Variants in HCN1 observed in about 807,000 individuals in gnomAD.
HCN1 encodes the protein potassium/sodium hyperpolarization-activated cyclic nucleotide-gated channel 1.
Under a neutral mutation model 78.9 loss-of-function variants are expected in HCN1, and 13 were observed. That is an observed-to-expected ratio of 0.16 (90% confidence interval 0.11 to 0.26). The LOEUF is 0.26. Among genes scored for constraint, HCN1 ranks in the 10% least tolerant of loss-of-function variants. HCN1 has a pLI of 1.00. For missense variants in HCN1, 810 were observed against 1,154.3 expected (o/e 0.70, Z 4.32); for synonymous variants, 552 against 455.5 (o/e 1.21, Z -2.70).
At chr5:45,319,696 GTT>G (rs535543948) in intron 5 of HCN1, among the ~76,000 whole-genome samples, 1 of 144,198 alleles carries the variant, frequency 6.9e-6, no homozygotes, top group South Asian at 2.2e-4. Context: ...TTGTTTCCTG[GTT>G]TTTTTTTTAG....
intron 2 of HCN1, among the ~76,000 whole-genome samples, chr5:45,530,137 A>G (rs944826801): frequency 1.3e-5 from 2 of 152,164 alleles, no homozygotes; most frequent in African/African-American, 4.8e-5. Context: ...GACTCCAGTG[A>G]TTACGGAATC....
chr5:45,443,337 A>C (rs998696052), intron 3 of HCN1, among the ~76,000 whole-genome samples: 1 of 152,038 alleles, frequency 6.6e-6, no homozygotes, highest in Non-Finnish European at 1.5e-5. Flanking sequence ...TGTACATCAA[A>C]TTTTAGGAAA....
At chr5:45,354,737 T>G (rs2111984931) in intron 4 of HCN1, among the ~76,000 whole-genome samples, 1 of 152,136 alleles carries the variant, frequency 6.6e-6, no homozygotes, top group East Asian at 1.9e-4. Context: ...ATCAAACTAT[T>G]TAAAGCCTGA....
intron 6 of HCN1, among the ~76,000 whole-genome samples, chr5:45,270,756 G>A (rs1178362056): frequency 6.6e-6 from 1 of 152,012 alleles, no homozygotes; most frequent in African/African-American, 2.4e-5. Context: ...AAGAGCATGT[G>A]TTTATATATT....
In HCN1 at chr5:45,434,381, A is replaced by T. The variant is rs73101221; in HGVS notation, c.1011+27465T>A. Among the ~76,000 whole-genome samples, 1,306 of 152,330 alleles carry T rather than the reference A, an allele frequency of 8.6e-3. 25 individuals are homozygous for T. Among genetic ancestry groups the T allele is most frequent in the African/African-American group, 0.031 (1,279 of 41,580 alleles). ...AGGTTTACACAGCTCTGAAATGGAC[A>T]TCCGCAGGCAGCCTTCTGAAGTGAA... is the stretch of plus-strand genomic sequence containing the variant. On this transcript the variant is annotated intron_variant, in intron 3 of 7. Transcript: ENST00000303230.
At chr5:45,445,592 G>T (rs930710840) in intron 3 of HCN1, among the ~76,000 whole-genome samples, 1 of 152,154 alleles carries the variant, frequency 6.6e-6, no homozygotes, top group African/African-American at 2.4e-5. Flanking sequence ...CCTCAAGTGG[G>T]TCCCTGACCC....
chr5:45,549,164 A>G (rs1438135765), intron 2 of HCN1, among the ~76,000 whole-genome samples: 3 of 152,146 alleles, frequency 2.0e-5, no homozygotes, highest in Non-Finnish European at 4.4e-5. Context: ...TTCATATGGA[A>G]CCAAAAAAGA....
At chr5:45,491,848 G>A (rs976005687) in intron 2 of HCN1, among the ~76,000 whole-genome samples, 2 of 152,152 alleles carry the variant, frequency 1.3e-5, no homozygotes, top group African/African-American at 4.8e-5. Context: ...AGTGGTGAAA[G>A]CTAGGCTGGG....
At chr5:45,511,991 T>C (rs1459399464) in intron 2 of HCN1, among the ~76,000 whole-genome samples, 1 of 152,078 alleles carries the variant, frequency 6.6e-6, no homozygotes, top group African/African-American at 2.4e-5. Flanking sequence ...TGTAATAAGT[T>C]CTACAAAAGG....
intron 3 of HCN1, among the ~76,000 whole-genome samples, chr5:45,460,343 T>G (rs972373218): frequency 6.6e-6 from 1 of 152,108 alleles, no homozygotes; most frequent in Non-Finnish European, 1.5e-5. Flanking sequence ...GGTGCCACCT[T>G]AGATACAGAA....
chr5:45,493,234 A>G (rs557664715), intron 2 of HCN1, among the ~76,000 whole-genome samples: 121 of 152,172 alleles, frequency 8.0e-4, no homozygotes, highest in Middle Eastern at 3.4e-3. Context: ...GCAATGACAT[A>G]TGTATATATA....
intron 3 of HCN1, among the ~76,000 whole-genome samples, chr5:45,433,294 T>C (rs1740499336): frequency 6.6e-6 from 1 of 152,148 alleles, no homozygotes; most frequent in Non-Finnish European, 1.5e-5. Context: ...ACTTTTTGTA[T>C]CTCTGTTCAT....
intron 6 of HCN1, among the ~76,000 whole-genome samples, chr5:45,267,465 A>G (rs954681798): frequency 1.4e-5 from 2 of 147,046 alleles, no homozygotes; most frequent in Admixed American, 1.3e-4. Flanking sequence ...TTTTGTTTTA[A>G]AAAAAAAAAA....
At chr5:45,513,919 A>C (rs1345957812) in intron 2 of HCN1, among the ~76,000 whole-genome samples, 1 of 152,190 alleles carries the variant, frequency 6.6e-6, no homozygotes, top group Admixed American at 6.5e-5. Context: ...AAACATTTTT[A>C]AAAGGACATA....
Position 45,262,583 on chromosome 5 carries a change from T to A in HCN1, c.2011A>T (p.Thr671Ser). 6.2e-7 allele frequency: 1 copy of A among 1,613,948 alleles called. No homozygotes were observed. The highest frequency in any genetic ancestry group is 8.5e-7 in the Non-Finnish European group (1 of 1,180,000). The change falls in exon 8 of 8, where the codon ACC (threonine) becomes TCC (serine). Residue 671 changes from threonine (T) to serine (S), a missense_variant. Physicochemically the swap from Thr to Ser is moderately conservative, Grantham distance 58. Transcript: ENST00000303230. ...RTQSPPVYTA[T>S]SLSHSNLHSP... The stretch of plus-strand genomic sequence containing the variant: ...TGCAGGTTGCTGTGAGACAGGCTGG[T>A]CGCTGTGTACACCGGTGGAGATTGT...
intron 2 of HCN1, among the ~76,000 whole-genome samples, chr5:45,547,280 A>T (rs574069409): frequency 5.3e-4 from 80 of 152,102 alleles, no homozygotes; most frequent in African/African-American, 1.7e-3. Flanking sequence ...TTGAGCAATG[A>T]AAGACAAGGA....
chr5:45,487,051 A>T (rs1029067204), intron 2 of HCN1, among the ~76,000 whole-genome samples: 1 of 152,062 alleles, frequency 6.6e-6, no homozygotes, highest in Non-Finnish European at 1.5e-5. Flanking sequence ...CCTCTTTAGC[A>T]GTAATTGTTT....
chr5:45,639,621 T>G (rs1283812354), intron 2 of HCN1, among the ~76,000 whole-genome samples: 1 of 152,148 alleles, frequency 6.6e-6, no homozygotes, highest in African/African-American at 2.4e-5. Context: ...ACACTGCAAA[T>G]AGACTTCATA....
rs140486351 is a variant in HCN1 at position 45,648,488 on chromosome 5, G to C, written c.426-2880C>G. 7.7e-3 allele frequency among the ~76,000 whole-genome samples: 1,174 copies of C among 152,136 alleles called. 5 individuals carry two copies. The highest frequency in any genetic ancestry group is 0.054 in the Middle Eastern group (16 of 294). On this transcript the variant is annotated intron_variant, in intron 1 of 7. Transcript: ENST00000303230. ...CTATTTTGCAGACAAAACCACAGGT[G>C]CTTTTATATGCTTACATAATATTGT...
Sources: gnomAD v4.1 joint callset for allele counts (sites outside exome capture counted in the v4.1 genomes callset) on GRCh38, gnomAD v4.1.1 for gene constraint, MANE v1.5 for transcripts, NCBI Gene and HGNC (gene_info 2026-07-23, HGNC 2026-07-21) for gene names.